The following FGGY variants were observed in gnomAD, a reference collection of about 807,000 sequenced individuals.
FGGY encodes FGGY carbohydrate kinase domain-containing protein.
Under a neutral mutation model 71.3 loss-of-function variants are expected in FGGY, and 72 were observed. That is an observed-to-expected ratio of 1.01 (90% CI 0.84 to 1.23). FGGY has a LOEUF of 1.23. Ranked by LOEUF, FGGY falls within the 50% of genes most tolerant of loss-of-function variation. The pLI is 0.00. For synonymous variants in FGGY, 251 were observed against 250.3 expected (o/e 1.00, Z -0.02); for missense variants, 668 against 682.3 (o/e 0.98, Z 0.23).
Position 59,454,135 on chromosome 1 carries a change from G to A in FGGY, c.555-2826G>A, listed in dbSNP as rs77294306. On this transcript the variant is annotated intron_variant, in intron 5 of 15. Transcript: ENST00000303721. The stretch of plus-strand genomic sequence containing the variant: ...GTTTACCAAGCAGACAAAGATAGGT[G>A]AAAGGAGTAATAATCCATTAAGATG... Among the ~76,000 whole-genome samples, 1,264 of 152,240 alleles carry A rather than the reference G, an allele frequency of 8.3e-3. 15 individuals carry two copies. The highest frequency in any genetic ancestry group is 0.029 in the African/African-American group (1,187 of 41,524).
At chr1:59,542,891 A>G (rs78431936) in intron 7 of FGGY, among the ~76,000 whole-genome samples, 2 of 152,294 alleles carry the variant, frequency 1.3e-5, no homozygotes, top group East Asian at 3.9e-4. Context: ...CCTCCCTCAC[A>G]GGCACTCATT....
intron 5 of FGGY, among the ~76,000 whole-genome samples, chr1:59,413,159 T>G (rs1279676691): frequency 1.3e-5 from 2 of 152,200 alleles, no homozygotes; most frequent in African/African-American, 2.4e-5. Flanking sequence ...AGGGACATTT[T>G]AAGTCCTTTT....
intron 1 of FGGY, among the ~76,000 whole-genome samples, chr1:59,301,406 T>C (rs889817185): frequency 1.3e-5 from 2 of 152,218 alleles, no homozygotes; most frequent in Non-Finnish European, 2.9e-5. Flanking sequence ...TAAATAAAGA[T>C]AGTTTTACTT....
chr1:59,554,116 T>C lies in FGGY; in HGVS notation c.800-8T>C. On this transcript the variant is annotated splice_polypyrimidine_tract_variant and splice_region_variant and intron_variant, in intron 7 of 15. Transcript: ENST00000303721. ...AAGAGGATTTGTTTTTGTTTTCCTTTCTCACAGGAGTGATTGGGGCAGATG... is the reference window on the plus strand; with the variant it reads ...AAGAGGATTTGTTTTTGTTTTCCTTCCTCACAGGAGTGATTGGGGCAGATG... 1.3e-6 allele frequency: 2 copies of C among 1,585,184 alleles called. No individual in the cohort carries two copies. The highest frequency in any genetic ancestry group is 1.7e-6 in the Non-Finnish European group (2 of 1,157,934).
intron 5 of FGGY, among the ~76,000 whole-genome samples, chr1:59,403,744 G>A (rs533142352): frequency 6.6e-6 from 1 of 152,332 alleles, no homozygotes; most frequent in South Asian, 2.1e-4. Context: ...GTCCTCACGT[G>A]CTTTACTCAG....
chr1:59,502,700 G>A (rs1426987420), intron 6 of FGGY, among the ~76,000 whole-genome samples: 1 of 152,204 alleles, frequency 6.6e-6, no homozygotes, highest in Non-Finnish European at 1.5e-5. Flanking sequence ...CCTTCCTTGA[G>A]TCAGGAGCTC....
intron 14 of FGGY, among the ~76,000 whole-genome samples, chr1:59,694,690 C>CTT (rs58871168): frequency 0.018 from 2,626 of 142,414 alleles, 44 homozygotes; most frequent in Middle Eastern, 0.05. Context: ...AACTAGGTGT[C>CTT]TTTTTTTTTT....
intron 8 of FGGY, among the ~76,000 whole-genome samples, chr1:59,580,962 T>A (rs1310815412): frequency 6.6e-6 from 1 of 152,190 alleles, no homozygotes; most frequent in Non-Finnish European, 1.5e-5. Context: ...TGACAGTTTG[T>A]ATTACAAAGC....
chr1:59,657,278 G>A (rs537626109), intron 11 of FGGY, among the ~76,000 whole-genome samples: 3 of 152,234 alleles, frequency 2.0e-5, no homozygotes, highest in South Asian at 2.1e-4. Flanking sequence ...TTCAGGAGTG[G>A]GTCAGCCACA....
At chr1:59,582,759 A>G (rs2096217598) in intron 8 of FGGY, among the ~76,000 whole-genome samples, 2 of 150,252 alleles carry the variant, frequency 1.3e-5, no homozygotes. Context: ...TTCCTTGAGG[A>G]CAGATATTGC....
chr1:59,324,101 C>T (rs2046893270), intron 2 of FGGY, among the ~76,000 whole-genome samples: 1 of 152,066 alleles, frequency 6.6e-6, no homozygotes, highest in South Asian at 2.1e-4. Flanking sequence ...TTCCCTAAGT[C>T]ATTCACATTG....
intron 11 of FGGY, among the ~76,000 whole-genome samples, chr1:59,640,483 C>T (rs2097012129): frequency 6.6e-6 from 1 of 152,134 alleles, no homozygotes; most frequent in Non-Finnish European, 1.5e-5. Context: ...ACAATACCTA[C>T]CTTCATGGAG....
intron 11 of FGGY, among the ~76,000 whole-genome samples, chr1:59,641,033 C>T (rs972739698): frequency 2.0e-5 from 3 of 150,684 alleles, no homozygotes; most frequent in Non-Finnish European, 2.9e-5. Flanking sequence ...GCATGGAAGA[C>T]GATTGCCCAA....
At chr1:59,668,247 C>G (rs973887236) in intron 13 of FGGY, among the ~76,000 whole-genome samples, 1 of 152,120 alleles carries the variant, frequency 6.6e-6, no homozygotes, top group African/African-American at 2.4e-5. Flanking sequence ...TCTCTCTGGA[C>G]CTGATACCCT....
chr1:59,473,923 A>ATCC (rs2093128525), intron 6 of FGGY, among the ~76,000 whole-genome samples: 2 of 152,144 alleles, frequency 1.3e-5, no homozygotes, highest in African/African-American at 4.8e-5. Context: ...CCCCTTAGCT[A>ATCC]TCCTCCCTTC....
At chr1:59,639,801 TC>T (rs1241216568) in intron 11 of FGGY, among the ~76,000 whole-genome samples, 3 of 152,166 alleles carry the variant, frequency 2.0e-5, no homozygotes, top group Admixed American at 2.0e-4. Flanking sequence ...CTAGGAGCCT[TC>T]CCTAGCCAAT....
intron 14 of FGGY, among the ~76,000 whole-genome samples, chr1:59,677,197 G>A (rs746074352): frequency 6.6e-6 from 1 of 152,170 alleles, no homozygotes; most frequent in Non-Finnish European, 1.5e-5. Flanking sequence ...GGCAAGGTGA[G>A]GCAAAATTGA....
chr1:59,432,147 G>GC (rs1377229943), intron 5 of FGGY, among the ~76,000 whole-genome samples: 1 of 152,190 alleles, frequency 6.6e-6, no homozygotes, highest in Admixed American at 6.5e-5. Context: ...GGTTTGGAGA[G>GC]CTCCCGGGTT....
At chr1:59,331,491 C>G (rs558153030) in intron 2 of FGGY, among the ~76,000 whole-genome samples, 1 of 152,288 alleles carries the variant, frequency 6.6e-6, no homozygotes, top group Admixed American at 6.5e-5. Flanking sequence ...CTGGAACACT[C>G]TTCCCCCAGA....
Sources: allele counts gnomAD v4.1 joint callset (sites outside exome capture counted in the v4.1 genomes callset), GRCh38; gene constraint gnomAD v4.1.1; transcripts MANE v1.5; gene names NCBI Gene and HGNC (gene_info 2026-07-23, HGNC 2026-07-21).